TMEM132D: variants seen among roughly 807,000 people sequenced by gnomAD.
TMEM132D encodes the protein transmembrane protein 132D, also known as mature OL transmembrane protein.
TMEM132D carries 21 observed loss-of-function variants against 62.3 expected under a neutral mutation model. That is an observed-to-expected ratio of 0.34 (90% CI 0.24 to 0.49). The LOEUF (loss-of-function observed/expected upper bound fraction) is 0.49, where lower values mean the gene tolerates loss of function less well. Among genes scored for constraint, TMEM132D ranks in the 20% least tolerant of loss-of-function variants. TMEM132D has a pLI of 0.99. For missense variants in TMEM132D, 1,346 were observed against 1,402.8 expected (o/e 0.96, Z 0.65); for synonymous variants, 621 against 575.6 (o/e 1.08, Z -1.13).
At chr12:129,394,165 C>T (rs1329134639) in intron 3 of TMEM132D, among the ~76,000 whole-genome samples, 2 of 152,138 alleles carry the variant, frequency 1.3e-5, no homozygotes, top group Non-Finnish European at 2.9e-5. Context: ...CTGTACAATC[C>T]TCAGTGATGG....
At chr12:129,652,201 T>C (rs1879947370) in intron 2 of TMEM132D, among the ~76,000 whole-genome samples, 1 of 152,216 alleles carries the variant, frequency 6.6e-6, no homozygotes, top group Admixed American at 6.5e-5. Context: ...TCTTCCAACG[T>C]AGAAGAACGG....
intron 5 of TMEM132D, among the ~76,000 whole-genome samples, chr12:129,114,334 CACAA>C (rs753969668): frequency 2.6e-5 from 4 of 152,094 alleles, no homozygotes; most frequent in Admixed American, 1.3e-4. Context: ...ACACCCCCAC[CACAA>C]ACAATTATCC....
chr12:129,876,377 T>C (rs2137381697), intron 1 of TMEM132D, among the ~76,000 whole-genome samples: 1 of 152,312 alleles, frequency 6.6e-6, no homozygotes, highest in East Asian at 1.9e-4. Context: ...CAGCAATCTT[T>C]CCATACCTGG....
chr12:129,861,494 C>T (rs1369636920), intron 1 of TMEM132D, among the ~76,000 whole-genome samples: 1 of 152,222 alleles, frequency 6.6e-6, no homozygotes, highest in Non-Finnish European at 1.5e-5. Flanking sequence ...GGCCCAGTGG[C>T]TCACGCCTGT....
intron 5 of TMEM132D, among the ~76,000 whole-genome samples, chr12:129,103,603 T>C (rs1013410886): frequency 6.6e-6 from 1 of 152,214 alleles, no homozygotes; most frequent in Non-Finnish European, 1.5e-5. Flanking sequence ...AGGCCTCTGC[T>C]TTCCCTCCTG....
chr12:129,324,743 G>A (rs1400675626), intron 4 of TMEM132D, among the ~76,000 whole-genome samples: 1 of 152,100 alleles, frequency 6.6e-6, no homozygotes, highest in Non-Finnish European at 1.5e-5. Context: ...GGCAGGGATT[G>A]CTTGAACCTG....
At chr12:129,641,981 A>G (rs1879651569) in intron 2 of TMEM132D, among the ~76,000 whole-genome samples, 1 of 152,098 alleles carries the variant, frequency 6.6e-6, no homozygotes. Flanking sequence ...AACATGTCTC[A>G]TAGAACACTT....
At chr12:129,832,232 AG>A (rs1039395487) in intron 1 of TMEM132D, among the ~76,000 whole-genome samples, 2 of 151,226 alleles carry the variant, frequency 1.3e-5, no homozygotes, top group African/African-American at 4.9e-5. Flanking sequence ...CAGGAGGAAG[AG>A]ATATAGAATA....
At chr12:129,667,306 G>T (rs1880400608) in intron 2 of TMEM132D, among the ~76,000 whole-genome samples, 1 of 152,176 alleles carries the variant, frequency 6.6e-6, no homozygotes, top group Admixed American at 6.5e-5. Flanking sequence ...CATGAAATTT[G>T]GTTTTCTCTT....
At chr12:129,387,080 A>G (rs1017464672) in intron 3 of TMEM132D, among the ~76,000 whole-genome samples, 2 of 151,942 alleles carry the variant, frequency 1.3e-5, no homozygotes, top group Non-Finnish European at 2.9e-5. Flanking sequence ...CACCAACACG[A>G]ACACTAACAC....
chr12:129,191,549 T>C (rs1477596663), intron 5 of TMEM132D, among the ~76,000 whole-genome samples: 1 of 151,710 alleles, frequency 6.6e-6, no homozygotes, highest in African/African-American at 2.4e-5. Flanking sequence ...GAGATATATG[T>C]GGATGTATGT....
chr12:129,194,152 C>T (rs1256218323), intron 5 of TMEM132D, among the ~76,000 whole-genome samples: 3 of 152,202 alleles, frequency 2.0e-5, no homozygotes, highest in Non-Finnish European at 4.4e-5. Context: ...TTTCAATTTG[C>T]TGTCCCATTT....
chr12:129,811,947 C>T (rs1020647109), intron 1 of TMEM132D, among the ~76,000 whole-genome samples: 18 of 151,718 alleles, frequency 1.2e-4, no homozygotes. Context: ...TCAGAGCCCA[C>T]CCACCTGACA....
rs142863227 is a variant in TMEM132D, at chr12:129,609,522, G to C, written c.969-78317C>G. Reference sequence around the variant, plus strand: ...CGCAATGCCTGGGAAGTCAATCCTGGTCATTAGCAAGGCTTGGACTCAGCC... The same window carrying C: ...CGCAATGCCTGGGAAGTCAATCCTGCTCATTAGCAAGGCTTGGACTCAGCC... On this transcript the variant is annotated intron_variant, in intron 2 of 8. Transcript: ENST00000422113. 2.6e-3 allele frequency among the ~76,000 whole-genome samples: 390 copies of C among 152,262 alleles called. 3 individuals carry two copies. Among genetic ancestry groups the C allele is most frequent in the African/African-American group, 9.1e-3 (377 of 41,564 alleles).
At chr12:129,618,135 A>G (rs555959147) in intron 2 of TMEM132D, among the ~76,000 whole-genome samples, 60 of 152,338 alleles carry the variant, frequency 3.9e-4, no homozygotes, top group African/African-American at 1.4e-3. Flanking sequence ...TAATTACATA[A>G]GCCAACGTGA....
At chr12:129,826,967 T>A (rs564995529) in intron 1 of TMEM132D, among the ~76,000 whole-genome samples, 2 of 152,296 alleles carry the variant, frequency 1.3e-5, no homozygotes, top group African/African-American at 4.8e-5. Flanking sequence ...ACTAAATAAG[T>A]CTTGTCTTGA....
intron 5 of TMEM132D, among the ~76,000 whole-genome samples, chr12:129,112,009 C>T (rs189729321): frequency 6.6e-6 from 1 of 152,314 alleles, no homozygotes; most frequent in East Asian, 1.9e-4. Context: ...AGTGTCAGGG[C>T]TAGAAAAGTC....
chr12:129,165,510 G>A (rs1877517466), intron 5 of TMEM132D, among the ~76,000 whole-genome samples: 1 of 152,066 alleles, frequency 6.6e-6, no homozygotes, highest in Non-Finnish European at 1.5e-5. Flanking sequence ...ATAGGTGTGT[G>A]ACAAAACAAG....
At chr12:129,877,899 T>G (rs892209139) in intron 1 of TMEM132D, among the ~76,000 whole-genome samples, 2 of 152,188 alleles carry the variant, frequency 1.3e-5, no homozygotes, top group South Asian at 2.1e-4. Context: ...GAATCTATAT[T>G]ATAGACTGGG....
Sources: allele counts gnomAD v4.1 joint callset (sites outside exome capture counted in the v4.1 genomes callset), GRCh38; gene constraint gnomAD v4.1.1; transcripts MANE v1.5; gene names NCBI Gene and HGNC (gene_info 2026-07-23, HGNC 2026-07-21).